Variants in SVEP1 observed in about 807,000 individuals in gnomAD.
SVEP1 encodes the protein sushi, von Willebrand factor type A, EGF and pentraxin domain-containing protein 1.
A neutral mutation model predicts 367.3 loss-of-function variants in SVEP1; 164 were observed. That is an observed-to-expected ratio of 0.45 (90% CI 0.39 to 0.51). SVEP1 has a LOEUF of 0.51. Among genes scored for constraint, SVEP1 ranks in the 20% least tolerant of loss-of-function variants. SVEP1 has a pLI of 0.00. For missense variants in SVEP1, 4,117 were observed against 4,425.3 expected (o/e 0.93, Z 1.98); for synonymous variants, 1,666 against 1,611.6 (o/e 1.03, Z -0.81).
At position 110,472,145 on chromosome 9, in the gene SVEP1, C is replaced by T. The variant is rs1829028531; in HGVS notation, c.2764+14G>A. 6.3e-7 allele frequency: 1 copy of T among 1,597,708 alleles called. No homozygotes were observed. On this transcript the variant is annotated intron_variant, in intron 15 of 47. Coordinates refer to ENST00000374469, the MANE Select transcript of SVEP1 (RefSeq NM_153366.4). ...CCATTATATTGCTTTTTCAAATAGACAGTTTATCCTTACCTGTGATGTTAA... is the reference window on the plus strand; with the variant it reads ...CCATTATATTGCTTTTTCAAATAGATAGTTTATCCTTACCTGTGATGTTAA...
intron 9 of SVEP1, among the ~76,000 whole-genome samples, chr9:110,488,846 C>A (rs1412476381): frequency 6.6e-6 from 1 of 152,034 alleles, no homozygotes; most frequent in Non-Finnish European, 1.5e-5. Flanking sequence ...AGCACTCACT[C>A]CAGTCTGGAG....
intron 14 of SVEP1, among the ~76,000 whole-genome samples, chr9:110,475,402 A>G (rs925675290): frequency 2.6e-5 from 4 of 152,238 alleles, no homozygotes; most frequent in African/African-American, 9.6e-5. Context: ...ACTGAGGCAC[A>G]GAGTGTGTTG....
chr9:110,552,754 G>A (rs1830306873), intron 1 of SVEP1, among the ~76,000 whole-genome samples: 1 of 152,154 alleles, frequency 6.6e-6, no homozygotes, highest in Non-Finnish European at 1.5e-5. Flanking sequence ...GTGTGGCCCA[G>A]TTCCTAACAG....
rs368788224 is a variant in SVEP1 at position 110,451,308 on chromosome 9, T to G, written c.3882A>C (p.Thr1294=). 5.9e-5 allele frequency: 95 copies of G among 1,613,620 alleles called. No homozygotes were observed. The African/African-American group carries it at 1.1e-3, about 19-fold the overall frequency. ...TCTTACCTACAAATCCTTTCACACATGTGCAACGATAGCCAGCCACACCAT... is the reference window on the plus strand; with the variant it reads ...TCTTACCTACAAATCCTTTCACACAGGTGCAACGATAGCCAGCCACACCAT... ...CVDGVAGYRC[T]CVKGFVGLHC... Residue 1294 remains threonine, a synonymous_variant, in exon 23 of 48, where the codon ACA becomes ACC. Coordinates refer to ENST00000374469, the MANE Select transcript of SVEP1 (RefSeq NM_153366.4).
intron 2 of SVEP1, among the ~76,000 whole-genome samples, chr9:110,548,926 C>G (rs1352642063): frequency 2.0e-5 from 3 of 152,084 alleles, no homozygotes; most frequent in African/African-American, 4.8e-5. Context: ...AGTTTGAGAC[C>G]AGCCTGAGCA....
At chr9:110,568,617 G>C (rs1038356540) in intron 1 of SVEP1, among the ~76,000 whole-genome samples, 2 of 152,146 alleles carry the variant, frequency 1.3e-5, no homozygotes, top group African/African-American at 4.8e-5. Context: ...AATGCTTGGT[G>C]AAAGTTCTAC....
At chr9:110,400,373 T>TG (rs1588034501) in intron 40 of SVEP1, among the ~76,000 whole-genome samples, 1 of 151,840 alleles carries the variant, frequency 6.6e-6, no homozygotes, top group Non-Finnish European at 1.5e-5. Context: ...TATTTTGCTT[T>TG]TTTTTTTTCT....
Position 110,472,269 on chromosome 9 carries a change from A to G in SVEP1, c.2654T>C (p.Leu885Pro), listed in dbSNP as rs746938382. ...NRLDYSYDDF[L>P]DTVQETATSI... is the part of the protein sequence containing the mutation. ...TGTGGCTGTTTCTTGCACAGTGTCC[A>G]GGAAGTCATCGTAAGAGTAATCCAG... The change falls in exon 15 of 48, where the codon CTG becomes CCG. Residue 885 changes from leucine to proline, a missense_variant. Around this residue, in one of 4 missense-constraint regions of SVEP1, gnomAD observed 2,174 missense variants for 2,494.3 expected, o/e 0.87. Coordinates refer to ENST00000374469, the MANE Select transcript of SVEP1 (RefSeq NM_153366.4). 3.7e-6 allele frequency: 6 copies of G among 1,612,354 alleles called. No individual in the cohort carries two copies. Among genetic ancestry groups the G allele is most frequent in the Non-Finnish European group, 5.1e-6 (6 of 1,179,512 alleles).
At chr9:110,493,916 G>C (rs1361155712) in intron 8 of SVEP1, among the ~76,000 whole-genome samples, 2 of 152,122 alleles carry the variant, frequency 1.3e-5, no homozygotes. Flanking sequence ...GCTTTTAGAG[G>C]CTGCCTGCAT....
At chr9:110,388,322 AAAATAGGATCACCC>A (rs1232792174) in intron 41 of SVEP1, among the ~76,000 whole-genome samples, 1 of 152,170 alleles carries the variant, frequency 6.6e-6, no homozygotes, top group Non-Finnish European at 1.5e-5. Flanking sequence ...TGCTATGAGG[AAAATAGGATCACCC>A]TTTCAAGAAT....
intron 36 of SVEP1, among the ~76,000 whole-genome samples, chr9:110,416,170 T>C (rs1480978892): frequency 6.6e-6 from 1 of 151,852 alleles, no homozygotes; most frequent in Admixed American, 6.6e-5. Context: ...CACAAATGGG[T>C]TGGCAGACAG....
intron 30 of SVEP1, among the ~76,000 whole-genome samples, chr9:110,433,396 A>G (rs1329039515): frequency 2.1e-5 from 3 of 146,012 alleles, no homozygotes; most frequent in Non-Finnish European, 3.0e-5. Flanking sequence ...AACGGTGAAT[A>G]TATCAGGTGG....
chr9:110,405,927 T>G (rs1827947167), intron 38 of SVEP1, among the ~76,000 whole-genome samples: 1 of 152,224 alleles, frequency 6.6e-6, no homozygotes, highest in African/African-American at 2.4e-5. Flanking sequence ...CAGAATATGA[T>G]AGTCATGATA....
At chr9:110,494,683 G>A (rs1829419250) in intron 8 of SVEP1, among the ~76,000 whole-genome samples, 2 of 152,098 alleles carry the variant, frequency 1.3e-5, no homozygotes, top group African/African-American at 4.8e-5. Context: ...TGACAGCATC[G>A]TGAGTTCTTT....
chr9:110,434,688 C>CAAAAAAAAAAAAAAAAAAAAAAAA (rs1356481750), intron 29 of SVEP1, among the ~76,000 whole-genome samples, 182 bp from the exon 30 acceptor site: 3 of 23,546 alleles, frequency 1.3e-4, no homozygotes, highest in Non-Finnish European at 1.9e-4. Context: ...AAAAAAAAAG[C>CAAAAAAAAAAAAAAAAAAAAAAAA]ATTTAAGTCA....
At chr9:110,384,480 C>T (rs1201939591) in intron 43 of SVEP1, among the ~76,000 whole-genome samples, 1 of 151,934 alleles carries the variant, frequency 6.6e-6, no homozygotes, top group Admixed American at 6.6e-5. Flanking sequence ...CATCTTGAAC[C>T]CCTCCCCGCA....
At chr9:110,417,262 C>T (rs1411958242) in intron 36 of SVEP1, among the ~76,000 whole-genome samples, 1 of 141,518 alleles carries the variant, frequency 7.1e-6, no homozygotes, top group Non-Finnish European at 1.5e-5. Context: ...TGTGTGCGCA[C>T]CGTGCGCGAG....
chr9:110,564,742 A>T (rs1385087616), intron 1 of SVEP1, among the ~76,000 whole-genome samples: 1 of 151,684 alleles, frequency 6.6e-6, no homozygotes, highest in East Asian at 2.0e-4. Flanking sequence ...TATCTTTAAG[A>T]AACTGAAATT....
intron 27 of SVEP1, among the ~76,000 whole-genome samples, chr9:110,440,242 C>T (rs965907916): frequency 3.9e-5 from 6 of 152,168 alleles, no homozygotes; most frequent in South Asian, 2.1e-4. Flanking sequence ...TTCTTTATCA[C>T]GTCTTCCTTT....
Sources: gnomAD v4.1 joint callset for allele counts (sites outside exome capture counted in the v4.1 genomes callset) on GRCh38, gnomAD v4.1.1 for gene constraint, gnomAD v4.1.1 regional missense constraint, MANE v1.5 for transcripts, NCBI Gene and HGNC (gene_info 2026-07-23, HGNC 2026-07-21) for gene names.